COQ8A: variants seen among roughly 807,000 people sequenced by gnomAD.
COQ8A encodes coenzyme Q8A, also known as atypical kinase COQ8A, mitochondrial.
COQ8A carries 51 observed loss-of-function variants against 65.0 expected under a neutral mutation model. That is an observed-to-expected ratio of 0.78 (90% CI 0.63 to 0.99). The LOEUF (loss-of-function observed/expected upper bound fraction) is 0.99. Ranked by LOEUF, COQ8A falls within the 50% of genes least tolerant of loss-of-function variation. The probability of loss-of-function intolerance (pLI) is 0.00; values close to 1 mark genes in which losing one functional copy is unlikely to be tolerated. For missense variants in COQ8A, 940 were observed against 875.0 expected, an observed-to-expected ratio of 1.07 and a Z score of -0.94; for synonymous variants, 371 against 353.2, an observed-to-expected ratio of 1.05 and a Z score of -0.57.
chr1:226,956,438 T>A (rs573731374), intron 1 of COQ8A, among the ~76,000 whole-genome samples: 2 of 137,404 alleles, frequency 1.5e-5, no homozygotes, highest in East Asian at 4.6e-4. Flanking sequence ...ACACTCTCCC[T>A]GGCTGCCACT....
intron 1 of COQ8A, among the ~76,000 whole-genome samples, chr1:226,948,530 G>A (rs1476618029): frequency 6.6e-6 from 1 of 152,168 alleles, no homozygotes; most frequent in Non-Finnish European, 1.5e-5. Flanking sequence ...CAGTATTTTG[G>A]CCAGATTTAA....
At position 226,982,994 on chromosome 1, in the gene COQ8A, C is replaced by T. The variant is rs1197663615; in HGVS notation, c.1040C>T (p.Ala347Val). The T allele has an allele frequency of 1.4e-5, 22 of 1,599,196 alleles. No homozygotes were observed. The highest frequency in any genetic ancestry group is 1.9e-5 in the Non-Finnish European group (22 of 1,173,616). The change falls in exon 8 of 15, where the codon GCC becomes GTC. Residue 347 changes from alanine (A) to valine (V), a missense_variant. Ala to Val is a moderately conservative substitution (Grantham distance 64, BLOSUM62 0). Coordinates refer to ENST00000366777, the MANE Select transcript of COQ8A (RefSeq NM_020247.5). ...AAASIGQVHLARMKGGREVAM... is the reference protein window; with the variant it reads ...AAASIGQVHLVRMKGGREVAM... ...GCATCCATTGGGCAGGTGCACTTGG[C>T]CCGAATGAAGGGCGGCCGCGAGGTG...
rs147447166 is a variant in COQ8A, at chr1:226,982,076, A to G, written c.780A>G (p.Ala260=). 6.2e-6 allele frequency: 10 copies of G among 1,612,734 alleles called. No homozygotes were observed. In the African/African-American group the frequency reaches 1.1e-4, roughly 17 times the overall value. ...GTCCTTTCCTGTCCGAGGCCAATGC[A>G]GAGCGGATCGTGCGCACGCTCTGCA... ...GSSPFLSEAN[A]ERIVRTLCKV... The change falls in exon 6 of 15, where the codon GCA becomes GCG. Residue 260 remains alanine (A), a synonymous_variant. Transcript: ENST00000366777.
intron 1 of COQ8A, among the ~76,000 whole-genome samples, chr1:226,958,641 A>G (rs1657960153): frequency 6.6e-6 from 1 of 152,102 alleles, no homozygotes; most frequent in African/African-American, 2.4e-5. Flanking sequence ...TTGACTTTTT[A>G]TTTTGGTTTC....
intron 3 of COQ8A, 55 bp downstream of exon 3, chr1:226,965,465 G>A: frequency 6.3e-7 from 1 of 1,583,814 alleles, no homozygotes; most frequent in Non-Finnish European, 8.6e-7. Flanking sequence ...CAGCAGTGAT[G>A]GCCTTGGGCT....
intron 1 of COQ8A, among the ~76,000 whole-genome samples, chr1:226,951,776 A>C (rs1197082434): frequency 6.6e-6 from 1 of 150,544 alleles, no homozygotes. Flanking sequence ...TGTAGCCAAA[A>C]AAGAAAAAAA....
chr1:226,985,500 G>A (rs1405170198), intron 14 of COQ8A, among the ~76,000 whole-genome samples, 160 bp downstream of exon 14: 1 of 152,238 alleles, frequency 6.6e-6, no homozygotes, highest in Admixed American at 6.5e-5. Flanking sequence ...CCCGGCCCAT[G>A]CTGCCCTGCT....
At chr1:226,965,550 TG>T in intron 3 of COQ8A, 120 bp from the exon 4 acceptor site, 2 of 1,496,862 alleles carry the variant, frequency 1.3e-6, no homozygotes, top group Non-Finnish European at 1.8e-6. Flanking sequence ...TGGTGGAGTG[TG>T]CTGTCAGGCG....
rs1054866027 is a variant in COQ8A, at chr1:226,946,441, G to A, written c.-10+6042G>A. 1.3e-5 allele frequency among the ~76,000 whole-genome samples: 2 copies of A among 152,274 alleles called. No individual in the cohort carries two copies. The highest frequency in any genetic ancestry group is 2.4e-5 in the African/African-American group (1 of 41,550). On this transcript the variant is annotated intron_variant, in intron 1 of 14. Transcript: ENST00000366777. This position sits in a 1 kb window ranked among gnomAD's most constrained non-coding sequence, Gnocchi z 5.3. ...CATTCTGGCTGAAGCGTTGGGGCAC[G>A]GAGGCATCTAGCGAGAGGTATCGCT...
At chr1:226,945,458 A>G (rs940589700) in intron 1 of COQ8A, among the ~76,000 whole-genome samples, 2 of 152,188 alleles carry the variant, frequency 1.3e-5, no homozygotes, top group African/African-American at 4.8e-5. Flanking sequence ...TGCTTGGCAC[A>G]TTTTTTGTTT....
intron 1 of COQ8A, among the ~76,000 whole-genome samples, chr1:226,953,315 A>G (rs576715413): frequency 6.6e-6 from 1 of 152,356 alleles, no homozygotes; most frequent in Non-Finnish European, 1.5e-5. Flanking sequence ...GGCATGAGCC[A>G]CTGTGCCTGG....
At position 226,961,560 on chromosome 1, in the gene COQ8A, C is replaced by T. The variant is rs1572040505; in HGVS notation, c.175C>T (p.Gln59Ter). The change falls in exon 2 of 15, where the codon CAG (glutamine) becomes TAG (stop). Residue 59 changes from glutamine (Q) to a stop codon, truncating the protein, a stop_gained and splice_region_variant. Transcript: ENST00000366777. LOFTEE classifies it high-confidence loss of function. ...GATTGGCATGTTCTTGGGGAAGGTG[C>T]AGGTAAGGGGGCCTGGCAGTGGGAG... ...EQIGMFLGKV[Q>*]GQDKHEEYFA... is the part of the protein sequence containing the mutation. 1.2e-6 allele frequency: 2 copies of T among 1,609,240 alleles called. No individual in the cohort carries two copies. Among genetic ancestry groups the T allele is most frequent in the Non-Finnish European group, 1.7e-6 (2 of 1,176,426 alleles).
intron 8 of COQ8A, 69 bp downstream of exon 8, chr1:226,983,103 T>C (rs1659819408): frequency 2.0e-6 from 3 of 1,529,536 alleles, no homozygotes; most frequent in Non-Finnish European, 1.8e-6. Context: ...GCCTGGCTCA[T>C]GGAGGCCTCT....
intron 4 of COQ8A, among the ~76,000 whole-genome samples, chr1:226,971,549 AG>A (rs1558195525): frequency 1.3e-4 from 20 of 149,582 alleles, no homozygotes; most frequent in African/African-American, 4.3e-4. Context: ...CATCTCAAAA[AG>A]AAAAAGAAAA....
intron 4 of COQ8A, among the ~76,000 whole-genome samples, chr1:226,967,782 G>A (rs1658653278): frequency 6.6e-6 from 1 of 152,224 alleles, no homozygotes; most frequent in South Asian, 2.1e-4. Context: ...CCTGCCTGAT[G>A]TACGGAGCCA....
At chr1:226,969,333 C>G (rs1384356947) in intron 4 of COQ8A, among the ~76,000 whole-genome samples, 3 of 152,128 alleles carry the variant, frequency 2.0e-5, no homozygotes, top group Non-Finnish European at 4.4e-5. Context: ...GAGTCTTGCT[C>G]TGTCGCCCAG....
At chr1:226,967,567 G>T (rs1658642572) in intron 4 of COQ8A, among the ~76,000 whole-genome samples, 1 of 152,244 alleles carries the variant, frequency 6.6e-6, no homozygotes, top group Non-Finnish European at 1.5e-5. Context: ...GCAGTAGTCA[G>T]ACCCTTTTGG....
intron 5 of COQ8A, among the ~76,000 whole-genome samples, chr1:226,980,369 C>T (rs1659613023): frequency 6.6e-6 from 1 of 152,250 alleles, no homozygotes; most frequent in Admixed American, 6.5e-5. Flanking sequence ...TCCCATCTCT[C>T]AGGAGTGCTG....
chr1:226,982,166 G>GCTGCTGCCCCGGGA lies in COQ8A; in HGVS notation c.853+22_853+35dup, dbSNP rs1402637299. ...GCATCCAGGGTGAGTGGGCGCGGGG[G>GCTGCTGCCCCGGGA]CTGCTGCCCCGGGACTGCGTGGGCT... On this transcript the variant is annotated intron_variant, in intron 6 of 14. Coordinates refer to ENST00000366777, the MANE Select transcript of COQ8A (RefSeq NM_020247.5). 21 of 1,564,706 alleles carry GCTGCTGCCCCGGGA rather than the reference G, an allele frequency of 1.3e-5. No individual in the cohort carries two copies. The highest frequency in any genetic ancestry group is 1.8e-5 in the Non-Finnish European group (21 of 1,155,064).
Sources: gnomAD v4.1 joint callset for allele counts (sites outside exome capture counted in the v4.1 genomes callset) on GRCh38, gnomAD v4.1.1 for gene constraint, Gnocchi (gnomAD v3.1) non-coding constraint, MANE v1.5 for transcripts, NCBI Gene and HGNC (gene_info 2026-07-23, HGNC 2026-07-21) for gene names.